Variants in TFEC observed in about 807,000 individuals in gnomAD.
The protein encoded by TFEC is class E basic helix-loop-helix protein 34.
A neutral mutation model predicts 41.6 loss-of-function variants in TFEC; 31 were observed. That is an observed-to-expected ratio of 0.74 (90% CI 0.56 to 1.01). The LOEUF (loss-of-function observed/expected upper bound fraction) is 1.01, where lower values mean the gene tolerates loss of function less well. Among genes scored for constraint, TFEC ranks in the 50% least tolerant of loss-of-function variants. The pLI is 0.00. For missense variants in TFEC, 402 were observed against 404.1 expected (o/e 0.99, Z 0.04); for synonymous variants, 143 against 140.6 (o/e 1.02, Z -0.12).
chr7:115,991,907 C>T (rs1794134591), intron 1 of TFEC, among the ~76,000 whole-genome samples: 1 of 152,194 alleles, frequency 6.6e-6, no homozygotes. Flanking sequence ...AATATACATT[C>T]TTCTCAGCAC....
intron 3 of TFEC, among the ~76,000 whole-genome samples, chr7:116,080,622 C>T (rs1327994148): frequency 1.3e-5 from 2 of 152,000 alleles, no homozygotes; most frequent in Admixed American, 1.3e-4. Flanking sequence ...CAGGGAAATG[C>T]AAATCAAAAC....
At chr7:116,073,198 G>A (rs1037284798) in intron 3 of TFEC, among the ~76,000 whole-genome samples, 2 of 151,484 alleles carry the variant, frequency 1.3e-5, no homozygotes, top group Non-Finnish European at 3.0e-5. Flanking sequence ...TAAGGAATGG[G>A]CAATCCAAAA....
At chr7:116,065,275 T>C (rs1796667955) in intron 3 of TFEC, among the ~76,000 whole-genome samples, 1 of 152,116 alleles carries the variant, frequency 6.6e-6, no homozygotes, top group South Asian at 2.1e-4. Context: ...CTCTGATTCT[T>C]AAATATGAGC....
In TFEC at chr7:115,956,804, A is replaced by G; in HGVS notation, c.268-11T>C. ...AATACTTCCAGATAACTTGAGAGGAAAAAGGAAGAAAAGATTAATAAAAAC... is the reference window on the plus strand; with the variant it reads ...AATACTTCCAGATAACTTGAGAGGAGAAAGGAAGAAAAGATTAATAAAAAC... On this transcript the variant is annotated splice_polypyrimidine_tract_variant and intron_variant, in intron 3 of 7. Coordinates refer to ENST00000265440, the MANE Select transcript of TFEC (RefSeq NM_012252.4). 1 of 1,515,694 alleles carries G rather than the reference A, an allele frequency of 6.6e-7. No homozygotes were observed. The allele number at this position is 1,515,694 out of a possible 1,614,324, so 93.9% of individuals were successfully genotyped here.
intron 6 of TFEC, among the ~76,000 whole-genome samples, chr7:115,944,996 T>A (rs1791453340): frequency 6.7e-6 from 1 of 150,264 alleles, no homozygotes; most frequent in Non-Finnish European, 1.5e-5. Context: ...GCACATAATT[T>A]AAAATATCTC....
chr7:116,138,329 AAGTT>A (rs1362537338), intron 1 of TFEC, among the ~76,000 whole-genome samples: 1 of 152,144 alleles, frequency 6.6e-6, no homozygotes, highest in African/African-American at 2.4e-5. Context: ...TATTATCTGA[AAGTT>A]AGGATCCTGT....
At chr7:115,948,372 A>G (rs1791726277) in intron 6 of TFEC, among the ~76,000 whole-genome samples, 1 of 152,100 alleles carries the variant, frequency 6.6e-6, no homozygotes, top group South Asian at 2.1e-4. Flanking sequence ...TCCTGATACC[A>G]AAGCCGGGCA....
intron 1 of TFEC, among the ~76,000 whole-genome samples, chr7:116,119,134 T>A (rs1040846886): frequency 1.3e-5 from 2 of 151,846 alleles, no homozygotes; most frequent in African/African-American, 2.4e-5. Flanking sequence ...ATTTTATTTT[T>A]TATATCCTTC....
chr7:116,008,573 TG>T (rs1290887694), intron 1 of TFEC, among the ~76,000 whole-genome samples: 1 of 152,180 alleles, frequency 6.6e-6, no homozygotes, highest in African/African-American at 2.4e-5. Context: ...AAATCTATTT[TG>T]GGGGGCTTAT....
intron 1 of TFEC, among the ~76,000 whole-genome samples, chr7:116,016,889 C>T (rs186897916): frequency 4.6e-5 from 7 of 151,974 alleles, no homozygotes; most frequent in Admixed American, 2.6e-4. Flanking sequence ...ATGTCCCAAG[C>T]ACTTATTATT....
chr7:116,027,624 A>G (rs1328019687), intron 1 of TFEC, among the ~76,000 whole-genome samples: 1 of 152,042 alleles, frequency 6.6e-6, no homozygotes, highest in East Asian at 1.9e-4. Flanking sequence ...GTGCAGGCTC[A>G]CATTCTTACT....
chr7:115,973,798 G>C (rs1471175441), intron 3 of TFEC, among the ~76,000 whole-genome samples: 2 of 151,968 alleles, frequency 1.3e-5, no homozygotes, highest in Non-Finnish European at 2.9e-5. Flanking sequence ...TCTGAAAGCT[G>C]TATTAGTCAT....
chr7:116,139,630 G>A (rs1798500895), intron 1 of TFEC, among the ~76,000 whole-genome samples: 1 of 152,168 alleles, frequency 6.6e-6, no homozygotes. Context: ...TTAAGAAACA[G>A]AAAACAATTC....
intron 3 of TFEC, among the ~76,000 whole-genome samples, chr7:116,078,948 T>C (rs925351691): frequency 1.3e-5 from 2 of 151,954 alleles, no homozygotes; most frequent in Admixed American, 1.3e-4. Context: ...ACAAGCAAAC[T>C]GAATCCAACA....
intron 1 of TFEC, among the ~76,000 whole-genome samples, chr7:116,011,727 G>A (rs1381976760): frequency 6.6e-6 from 1 of 152,148 alleles, no homozygotes; most frequent in Non-Finnish European, 1.5e-5. Flanking sequence ...GACCTAGTGG[G>A]AGGTGTTTTG....
upstream of TFEC, among the ~76,000 whole-genome samples, chr7:116,033,586 A>G (rs1318171236): frequency 6.6e-6 from 1 of 151,916 alleles, no homozygotes; most frequent in African/African-American, 2.4e-5. Flanking sequence ...CAGTACCCAA[A>G]TACTCCCATT....
At chr7:115,965,944 C>A (rs926143926) in intron 3 of TFEC, among the ~76,000 whole-genome samples, 1 of 151,190 alleles carries the variant, frequency 6.6e-6, no homozygotes, top group Non-Finnish European at 1.5e-5. Flanking sequence ...AAAATTCTTC[C>A]CTATTCTCAT....
chr7:116,142,105 T>C (rs1798553207), intron 1 of TFEC, among the ~76,000 whole-genome samples: 1 of 152,188 alleles, frequency 6.6e-6, no homozygotes, highest in Non-Finnish European at 1.5e-5. Flanking sequence ...AGTGGGCAGC[T>C]GTCAGAGCAG....
intron 1 of TFEC, among the ~76,000 whole-genome samples, chr7:116,115,739 A>G: frequency 6.6e-6 from 1 of 152,018 alleles, no homozygotes. Flanking sequence ...ATTATTCAGC[A>G]TACCACATCC....
Sources: allele counts gnomAD v4.1 joint callset (sites outside exome capture counted in the v4.1 genomes callset), GRCh38; gene constraint gnomAD v4.1.1; transcripts MANE v1.5; gene names NCBI Gene and HGNC (gene_info 2026-07-23, HGNC 2026-07-21).